Variants in AGAP3 observed in about 807,000 individuals in gnomAD.
The protein encoded by AGAP3 is arf-GAP with GTPase, ANK repeat and PH domain-containing protein 3.
AGAP3 carries 24 observed loss-of-function variants against 96.9 expected under a neutral mutation model. That is an observed-to-expected ratio of 0.25 (90% CI 0.18 to 0.35). The LOEUF (loss-of-function observed/expected upper bound fraction) is 0.35. Ranked by LOEUF, AGAP3 falls within the 10% of genes least tolerant of loss-of-function variation. The pLI is 1.00. For synonymous variants in AGAP3, 563 were observed against 536.1 expected, an observed-to-expected ratio of 1.05 and a Z score of -0.69; for missense variants, 876 against 1,254.2, an observed-to-expected ratio of 0.70 and a Z score of 4.55.
At position 151,120,130 on chromosome 7, in the gene AGAP3, C is replaced by A; in HGVS notation, c.1113C>A (p.Arg371=). The stretch of plus-strand genomic sequence containing the variant: ...CCATCCGAAAGCAGTCCAAGCGGCG[C>A]TCCAACATCTTCACGGTACGTGACT... ...PTPIRKQSKR[R]SNIFTSRKGA... is the part of the protein sequence containing the mutation. Residue 371 remains arginine (R), a synonymous_variant, in exon 8 of 18, where the codon CGC becomes CGA. Coordinates refer to ENST00000397238, the MANE Select transcript of AGAP3 (RefSeq NM_031946.7). 6.2e-7 allele frequency: 1 copy of A among 1,611,356 alleles called. No homozygotes were observed. Among genetic ancestry groups the A allele is most frequent in the Non-Finnish European group, 8.5e-7 (1 of 1,178,488 alleles).
intron 8 of AGAP3, among the ~76,000 whole-genome samples, chr7:151,121,203 G>A (rs1264268021): frequency 2.6e-5 from 4 of 151,952 alleles, no homozygotes; most frequent in African/African-American, 9.7e-5. Flanking sequence ...TCCCGAGCCC[G>A]CCACCTGCCC....
At chr7:151,123,609 C>G (rs767022066) in intron 8 of AGAP3, 185 bp from the exon 9 acceptor site, 1 of 1,443,776 alleles carries the variant, frequency 6.9e-7, no homozygotes, top group African/African-American at 1.4e-5. Context: ...TGTATGGTGC[C>G]GTGTGTAAGA....
intron 1 of AGAP3, among the ~76,000 whole-genome samples, chr7:151,111,018 G>A (rs1228718086): frequency 6.6e-6 from 1 of 152,128 alleles, no homozygotes; most frequent in Non-Finnish European, 1.5e-5. Context: ...GAGGCATCCT[G>A]AGCGCTCTCC....
intron 1 of AGAP3, among the ~76,000 whole-genome samples, chr7:151,113,779 G>A (rs1563461281): frequency 6.6e-6 from 1 of 152,208 alleles, no homozygotes; most frequent in Non-Finnish European, 1.5e-5. Flanking sequence ...AATCACAGCC[G>A]GGGAGCTCTT....
chr7:151,134,507 C>T lies in AGAP3; in HGVS notation c.1434C>T (p.Thr478=), dbSNP rs1290241073. ...PRATPATAPG[T]SPRANGLSVE... ...CCACACCTGCCACAGCCCCGGGCACCAGCCCCCGTGCCAACGGGCTGTCCG... is the reference window on the plus strand; with the variant it reads ...CCACACCTGCCACAGCCCCGGGCACTAGCCCCCGTGCCAACGGGCTGTCCG... The change falls in exon 11 of 18, where the codon ACC becomes ACT. Residue 478 remains threonine, a synonymous_variant. Coordinates refer to ENST00000397238, the MANE Select transcript of AGAP3 (RefSeq NM_031946.7). The T allele has an allele frequency of 2.5e-6, 4 of 1,613,314 alleles. No homozygotes were observed. The South Asian group carries it at 3.3e-5, about 13-fold the overall frequency.
chr7:151,089,406 T>A (rs906435814), intron 1 of AGAP3, among the ~76,000 whole-genome samples: 1 of 151,424 alleles, frequency 6.6e-6, no homozygotes, highest in Non-Finnish European at 1.5e-5. Flanking sequence ...ATAAACACAG[T>A]GTCAGCTGGG....
chr7:151,116,422 C>T (rs1799585618), intron 1 of AGAP3: 1 of 289,662 alleles, frequency 3.5e-6, no homozygotes, highest in Non-Finnish European at 6.5e-6. Context: ...TGTTCTGAGA[C>T]CTGCTGGAGT....
rs1800676345 is a variant in AGAP3, at chr7:151,138,178, T to C, written c.1531T>C (p.Ser511Pro). 6.2e-7 allele frequency: 1 copy of C among 1,608,464 alleles called. No homozygotes were observed. Among genetic ancestry groups the C allele is most frequent in the African/African-American group, 1.3e-5 (1 of 74,690 alleles). Residue 511 changes from serine to proline, a missense_variant, in exon 12 of 18, where the codon TCT (serine) becomes CCT (proline). Around this residue, in one of 8 missense-constraint regions of AGAP3, gnomAD observed 155 missense variants for 144.4 expected, o/e 1.07. Coordinates refer to ENST00000397238, the MANE Select transcript of AGAP3 (RefSeq NM_031946.7). ...PHSASSASLH[S>P]ERPLSSSAWA... ...CTCGGCCAGCAGCGCATCCCTGCAC[T>C]CTGAGCGCCCCCTCAGCAGCTCGGC...
chr7:151,114,711 G>A lies in AGAP3; in HGVS notation c.332-2082G>A. The A allele has an allele frequency of 2.0e-6, 2 of 999,534 alleles. No homozygotes were observed. Among genetic ancestry groups the A allele is most frequent in the East Asian group, 1.1e-4 (1 of 9,384 alleles). The allele number at this position is 999,534 out of a possible 1,614,324, so 61.9% of individuals were successfully genotyped here. On this transcript the variant is annotated intron_variant, in intron 1 of 17. Coordinates refer to ENST00000397238, the MANE Select transcript of AGAP3 (RefSeq NM_031946.7). This position sits in a 1 kb window ranked among gnomAD's most constrained non-coding sequence, Gnocchi z 4.4. ...TCCGTGCGCCCCGGCCGCGGCCCCGGCCCGGGCCCAGCCCCGTGCCCCTCG... is the reference window on the plus strand; with the variant it reads ...TCCGTGCGCCCCGGCCGCGGCCCCGACCCGGGCCCAGCCCCGTGCCCCTCG...
At position 151,139,353 on chromosome 7, in the gene AGAP3, T is replaced by C. The variant is rs1379497097; in HGVS notation, c.1667-626T>C. On this transcript the variant is annotated intron_variant, in intron 12 of 17. Transcript: ENST00000397238. This position sits in a 1 kb window ranked among gnomAD's most constrained non-coding sequence, Gnocchi z 4.9. Reference sequence around the variant, plus strand: ...ATGCCCAGCCCACCCCTGGGAGAAGTGAGCTTGGAGCGCATGAGAAGGGGA... The same window carrying C: ...ATGCCCAGCCCACCCCTGGGAGAAGCGAGCTTGGAGCGCATGAGAAGGGGA... 2.0e-5 allele frequency among the ~76,000 whole-genome samples: 3 copies of C among 152,050 alleles called. No homozygotes were observed. The highest frequency in any genetic ancestry group is 4.4e-5 in the Non-Finnish European group (3 of 68,004).
intron 9 of AGAP3, 144 bp downstream of exon 9, chr7:151,124,030 A>G: frequency 1.2e-6 from 1 of 831,414 alleles, no homozygotes; most frequent in Non-Finnish European, 1.9e-6. Flanking sequence ...GTCCTTAACA[A>G]GGGACTGGCT....
In AGAP3 at chr7:151,123,639, C is replaced by T. The variant is rs568651408; in HGVS notation, c.1129-155C>T. On this transcript the variant is annotated intron_variant, in intron 8 of 17. Coordinates refer to ENST00000397238, the MANE Select transcript of AGAP3 (RefSeq NM_031946.7). ...GTAAGAATAAACCCGTTGGAATACTCGTGGTCTCAGTTCCTTCCCGTCCCG... is the reference window on the plus strand; with the variant it reads ...GTAAGAATAAACCCGTTGGAATACTTGTGGTCTCAGTTCCTTCCCGTCCCG... 1.5e-3 allele frequency: 2,202 copies of T among 1,478,700 alleles called. 4 individuals are homozygous for T. The highest frequency in any genetic ancestry group is 1.9e-3 in the Non-Finnish European group (2,118 of 1,115,376). The allele number at this position is 1,478,700 out of a possible 1,614,324, so 91.6% of individuals were successfully genotyped here.
At chr7:151,115,583 C>A in intron 1 of AGAP3, 1 of 1,157,692 alleles carries the variant, frequency 8.6e-7, no homozygotes, top group South Asian at 4.2e-5. Flanking sequence ...CCGCGCCCGC[C>A]GCGCCGCTGT....
chr7:151,111,707 G>T (rs927056313), intron 1 of AGAP3, among the ~76,000 whole-genome samples: 1 of 152,274 alleles, frequency 6.6e-6, no homozygotes, highest in South Asian at 2.1e-4. Flanking sequence ...TCTTGAGCCC[G>T]GCTTCTGCGC....
At chr7:151,120,200 G>A (rs906862055) in intron 8 of AGAP3, 55 bp downstream of exon 8, 18 of 1,527,912 alleles carry the variant, frequency 1.2e-5, no homozygotes, top group African/African-American at 6.9e-5. Flanking sequence ...AGGCAGGGCT[G>A]AGCGCCGAGC....
At chr7:151,112,005 G>A (rs1177637508) in intron 1 of AGAP3, among the ~76,000 whole-genome samples, 5 of 152,216 alleles carry the variant, frequency 3.3e-5, no homozygotes, top group African/African-American at 1.2e-4. Context: ...GAGCACAGCT[G>A]TGTTTGCTGC....
In AGAP3 at chr7:151,108,907, G is replaced by C. The variant is rs1799166380; in HGVS notation, c.332-7886G>C. 6.6e-6 allele frequency among the ~76,000 whole-genome samples: 1 copy of C among 152,172 alleles called. No homozygotes were observed. ...CCTGGAACCCATGGCAGGGATTAAG[G>C]GGACTCGGACCTCCTCAGAAAACAC... On this transcript the variant is annotated intron_variant, in intron 1 of 17. Coordinates refer to ENST00000397238, the MANE Select transcript of AGAP3 (RefSeq NM_031946.7). This position sits in a 1 kb window ranked among gnomAD's most constrained non-coding sequence, Gnocchi z 4.2.
chr7:151,112,582 C>T (rs1178651622), intron 1 of AGAP3, among the ~76,000 whole-genome samples: 2 of 152,002 alleles, frequency 1.3e-5, no homozygotes, highest in Admixed American at 1.3e-4. Flanking sequence ...GGTCGGCTCC[C>T]ATAGCTGCTG....
At position 151,099,550 on chromosome 7, in the gene AGAP3, G is replaced by C. The variant is rs1798753924; in HGVS notation, c.331+12478G>C. ...TTGTGTGTGGTGGGTGACAAAGTGT[G>C]TTCATGTTAAGGGGCACTCGTGTTC... On this transcript the variant is annotated intron_variant, in intron 1 of 17. Transcript: ENST00000397238. Among the ~76,000 whole-genome samples, 4 of 152,206 alleles carry C rather than the reference G, an allele frequency of 2.6e-5. No homozygotes were observed. The South Asian group carries it at 8.3e-4, about 31-fold the overall frequency.
Sources: gnomAD v4.1 joint callset for allele counts (sites outside exome capture counted in the v4.1 genomes callset) on GRCh38, gnomAD v4.1.1 for gene constraint, gnomAD v4.1.1 regional missense constraint, Gnocchi (gnomAD v3.1) non-coding constraint, MANE v1.5 for transcripts, NCBI Gene and HGNC (gene_info 2026-07-23, HGNC 2026-07-21) for gene names.